The following PTOV1 variants were observed in gnomAD, a reference collection of about 807,000 sequenced individuals.
The protein encoded by PTOV1 is prostate tumor-overexpressed gene 1 protein.
A neutral mutation model predicts 58.0 loss-of-function variants in PTOV1; 20 were observed. That is an observed-to-expected ratio of 0.34 (90% CI 0.24 to 0.50). The LOEUF is 0.50. Among genes scored for constraint, PTOV1 ranks in the 20% least tolerant of loss-of-function variants. The probability of loss-of-function intolerance (pLI) is 0.98; values close to 1 mark genes in which losing one functional copy is unlikely to be tolerated. For missense variants in PTOV1, 593 were observed against 565.4 expected, an observed-to-expected ratio of 1.05 and a Z score of -0.50; for synonymous variants, 335 against 234.2, an observed-to-expected ratio of 1.43 and a Z score of -3.93.
chr19:49,851,230 C>T, exon 1 of PTOV1: 3 of 1,147,888 alleles, frequency 2.6e-6, no homozygotes, highest in Non-Finnish European at 3.2e-6. Context: ...CCCGTCTCCC[C>T]CGAAGCCGCG....
intron 5 of PTOV1, chr19:49,855,387 T>C (rs2074418686): frequency 4.8e-6 from 2 of 416,278 alleles, no homozygotes; most frequent in South Asian, 2.4e-5. Flanking sequence ...CGGGGACACA[T>C]AGCGTATGGC....
intron 1 of PTOV1, among the ~76,000 whole-genome samples, chr19:49,854,083 G>T (rs1361385734): frequency 1.3e-5 from 2 of 152,236 alleles, no homozygotes; most frequent in African/African-American, 4.8e-5. Flanking sequence ...TCTAACTTGG[G>T]TCTCAAGAAT....
At chr19:49,852,041 C>T (rs895811679) in intron 1 of PTOV1, 1 of 985,494 alleles carries the variant, frequency 1.0e-6, no homozygotes, top group African/African-American at 1.7e-5. Context: ...GAGCCCAGAC[C>T]TTAAACGTAA....
exon 6 of PTOV1, chr19:49,857,047 A>G: frequency 6.2e-7 from 1 of 1,614,030 alleles, no homozygotes; most frequent in Non-Finnish European, 8.5e-7. Context: ...CTCGTCCAAG[A>G]AGAAGATCTT....
intron 1 of PTOV1, chr19:49,853,157 A>G (rs1309956372): frequency 6.6e-6 from 1 of 152,256 alleles, no homozygotes; most frequent in African/African-American, 2.4e-5. Context: ...TGTGTTTGCT[A>G]GTATTCTGGA....
At chr19:49,857,862 G>A in intron 7 of PTOV1, 42 bp from the exon 8 acceptor site, 1 of 1,612,142 alleles carries the variant, frequency 6.2e-7, no homozygotes, top group East Asian at 2.2e-5. Flanking sequence ...GGCATTGGGG[G>A]TCTCCAGCCC....
intron 9 of PTOV1, 72 bp from the exon 10 acceptor site, chr19:49,858,476 GA>G: frequency 1.6e-6 from 2 of 1,252,394 alleles, no homozygotes; most frequent in Non-Finnish European, 2.3e-6. Context: ...GGGCCCGGGG[GA>G]CTCAGCGGGC....
At position 49,860,438 on chromosome 19, in the gene PTOV1, C is replaced by T. The variant is rs962282936; in HGVS notation, c.*159C>T. The T allele has an allele frequency of 8.7e-6, 10 of 1,149,934 alleles. No homozygotes were observed. In the Admixed American group the frequency reaches 1.4e-4, roughly 16 times the overall value. The allele number at this position is 1,149,934 out of a possible 1,614,324, so 71.2% of individuals were successfully genotyped here. ...GACCTTGGCCTTGGGGAGAGCAGAG[C>T]AGAGGGAGAGGCAGCAGTCCCAGCG... On this transcript the variant is annotated 3_prime_UTR_variant, in exon 12 of 12. Coordinates refer to ENST00000391842, the Ensembl canonical transcript of PTOV1.
At chr19:49,852,078 C>T (rs1415674075) in intron 1 of PTOV1, 1 of 985,368 alleles carries the variant, frequency 1.0e-6, no homozygotes, top group African/African-American at 1.7e-5. Flanking sequence ...GTACTTTGGG[C>T]TGCACACGCT....
chr19:49,859,538 C>T (rs1471501496), intron 10 of PTOV1, among the ~76,000 whole-genome samples: 3 of 151,840 alleles, frequency 2.0e-5, no homozygotes, highest in Non-Finnish European at 2.9e-5. Context: ...TGCCATTGTA[C>T]TCCAGCCTGG....
chr19:49,854,894 A>AGCCC lies in PTOV1; in HGVS notation c.450+6_450+7insGCCC. On this transcript the variant is annotated splice_region_variant and intron_variant, in intron 4 of 11. Transcript: ENST00000391842. ...TGATCCCTCAGCAGCTGCTGGTGAG[A>AGCCC]CCCGCCCCTCCCACCCCATCCACTC... 1 of 1,560,002 alleles carries AGCCC rather than the reference A, an allele frequency of 6.4e-7. No homozygotes were observed. Among genetic ancestry groups the AGCCC allele is most frequent in the Non-Finnish European group, 8.8e-7 (1 of 1,138,088 alleles).
intron 1 of PTOV1, 140 bp downstream of exon 1, chr19:49,851,639 G>A (rs2074252201): frequency 1.8e-6 from 2 of 1,090,374 alleles, no homozygotes; most frequent in Admixed American, 4.8e-5. Context: ...CCGGGGCCGG[G>A]TTCCCCCGTG....
At chr19:49,858,687 G>A (rs746791482) in intron 10 of PTOV1, 34 bp downstream of exon 10, 49 of 1,540,942 alleles carry the variant, frequency 3.2e-5, no homozygotes, top group African/African-American at 1.1e-4. Flanking sequence ...GGGAGGGGCC[G>A]GCCAGGGCAG....
At chr19:49,860,269 TGGG>T (rs750392317) in exon 12 of PTOV1, 2 of 1,610,952 alleles carry the variant, frequency 1.2e-6, no homozygotes, top group South Asian at 1.1e-5. Context: ...TCGCCGTAGA[TGGG>T]GGGGTAGTGG....
exon 12 of PTOV1, chr19:49,860,290 G>A (rs779181275): frequency 1.6e-5 from 26 of 1,612,134 alleles, no homozygotes; most frequent in African/African-American, 5.3e-5. Flanking sequence ...TGGTTACCCC[G>A]GGCTGGGCCC....
At chr19:49,851,398 C>T (rs925656648) in exon 1 of PTOV1, 15 of 1,185,802 alleles carry the variant, frequency 1.3e-5, no homozygotes, top group Non-Finnish European at 1.6e-5. Flanking sequence ...CGGCCGCCCT[C>T]CGCGGCCCCT....
At chr19:49,859,093 T>G (rs1436725524) in intron 10 of PTOV1, 3 of 157,820 alleles carry the variant, frequency 1.9e-5, no homozygotes, top group African/African-American at 7.2e-5. Context: ...GCTCAGTTTC[T>G]CCATCTGTGA....
At chr19:49,854,935 C>G (rs780724697) in intron 4 of PTOV1, 35 bp from the exon 5 acceptor site, 3 of 1,601,580 alleles carry the variant, frequency 1.9e-6, no homozygotes, top group African/African-American at 2.7e-5. Flanking sequence ...ACCCCCATGC[C>G]TGGCTGACCC....
At position 49,857,113 on chromosome 19, in the gene PTOV1, A is replaced by G. The variant is rs781590286; in HGVS notation, c.697A>G (p.Ile233Val). Residue 233 changes from isoleucine to valine, a missense_variant, in exon 6 of 12, where the codon ATC becomes GTC. Transcript: ENST00000391842. ...CTTCGTCAGTGCCATCCGGCAGGTC[A>G]TCACCACCCGCAAGCAGGTGTGCCA... is the stretch of plus-strand genomic sequence containing the variant. 8 of 1,613,924 alleles carry G rather than the reference A, an allele frequency of 5.0e-6. No homozygotes were observed. The Admixed American group carries it at 8.3e-5, about 17-fold the overall frequency.
Sources: allele counts gnomAD v4.1 joint callset (sites outside exome capture counted in the v4.1 genomes callset), GRCh38; gene constraint gnomAD v4.1.1; transcripts MANE v1.5; gene names NCBI Gene and HGNC (gene_info 2026-07-23, HGNC 2026-07-21).